GALNS: variants seen among roughly 807,000 people sequenced by gnomAD.
GALNS encodes the protein N-acetylgalactosamine-6-sulfatase.
A neutral mutation model predicts 65.9 loss-of-function variants in GALNS; 65 were observed. The observed-to-expected ratio is 0.99, with a 90% CI of 0.81 to 1.21. The LOEUF (loss-of-function observed/expected upper bound fraction) is 1.21. Ranked by LOEUF, GALNS falls within the 50% of genes most tolerant of loss-of-function variation. The pLI is 0.00. For missense variants in GALNS, 776 were observed against 700.7 expected (o/e 1.11, Z -1.21); for synonymous variants, 346 against 288.9 (o/e 1.20, Z -2.00).
At chr16:88,829,217 G>A (rs116762022) in intron 9 of GALNS, among the ~76,000 whole-genome samples, 3,981 of 147,576 alleles carry the variant, frequency 0.027, 163 homozygotes, top group South Asian at 0.056. Context: ...TGTTCACTGA[G>A]TGACCACCGG....
intron 1 of GALNS, among the ~76,000 whole-genome samples, chr16:88,854,296 A>T (rs545214472): frequency 1.6e-4 from 24 of 152,192 alleles, no homozygotes; most frequent in Admixed American, 3.9e-4. Context: ...AGAGGTGTGG[A>T]CAGGGCTGCG....
At chr16:88,815,939 G>A in intron 13 of GALNS, 1 of 985,448 alleles carries the variant, frequency 1.0e-6, no homozygotes, top group Non-Finnish European at 1.2e-6. Context: ...TCTCCTCTGT[G>A]CCAGAGACGC....
chr16:88,817,560 T>G, intron 13 of GALNS: 1 of 974,400 alleles, frequency 1.0e-6, no homozygotes, highest in Non-Finnish European at 1.2e-6. Flanking sequence ...CACCGGGCAG[T>G]GCCGTTCCTG....
chr16:88,855,863 C>A, intron 1 of GALNS: 1 of 504,506 alleles, frequency 2.0e-6, no homozygotes, highest in South Asian at 2.2e-5. Context: ...CACACAGGGG[C>A]TGAGCGACAC....
At chr16:88,838,377 C>G (rs7196283) in intron 4 of GALNS, among the ~76,000 whole-genome samples, 4,322 of 151,614 alleles carry the variant, frequency 0.029, 202 homozygotes, top group African/African-American at 0.1. Context: ...ATTAGAGTGA[C>G]GACAAGAGAA....
At chr16:88,854,348 G>C (rs1247756796) in intron 1 of GALNS, among the ~76,000 whole-genome samples, 1 of 152,218 alleles carries the variant, frequency 6.6e-6, no homozygotes, top group Non-Finnish European at 1.5e-5. Flanking sequence ...AGCCTGTGAG[G>C]ACCCCCTTGC....
At chr16:88,828,318 G>A (rs1227870718) in intron 9 of GALNS, among the ~76,000 whole-genome samples, 2 of 152,248 alleles carry the variant, frequency 1.3e-5, no homozygotes, top group Admixed American at 1.3e-4. Context: ...CAGGGTCCTC[G>A]TGGAGCGTTT....
chr16:88,831,095 G>A (rs1417821254), intron 9 of GALNS, among the ~76,000 whole-genome samples: 6 of 152,162 alleles, frequency 3.9e-5, no homozygotes, highest in Non-Finnish European at 5.9e-5. Flanking sequence ...CAGCACCCAC[G>A]TGACACACGG....
At chr16:88,851,697 AGGAGATTATATCCCG>A in intron 1 of GALNS, among the ~76,000 whole-genome samples, 1 of 152,166 alleles carries the variant, frequency 6.6e-6, no homozygotes, top group East Asian at 1.9e-4. Flanking sequence ...ACGACACACC[AGGAGATTATATCCCG>A]GGCCTGGCTC....
rs909317714 is a variant in GALNS, at chr16:88,814,137, T to C, written c.*302A>G. The C allele has an allele frequency of 4.0e-6, 2 of 495,388 alleles. No individual in the cohort carries two copies. Among genetic ancestry groups the C allele is most frequent in the Non-Finnish European group, 7.4e-6 (2 of 269,920 alleles). The allele number at this position is 495,388 out of a possible 1,614,324, so 30.7% of individuals were successfully genotyped here. On this transcript the variant is annotated 3_prime_UTR_variant, in exon 14 of 14. Coordinates refer to ENST00000268695, the MANE Select transcript of GALNS (RefSeq NM_000512.5). The stretch of plus-strand genomic sequence containing the variant: ...CATCCTTAACCTTGGCAAAATAAAC[T>C]GAGACTGGTCTCAGATATTTGGGGT...
intron 9 of GALNS, 25 bp downstream of exon 9, chr16:88,831,973 G>T (rs780122466): frequency 1.5e-5 from 24 of 1,602,196 alleles, no homozygotes; most frequent in Non-Finnish European, 2.0e-5. Context: ...CCTGCTGCCC[G>T]GCAGACCGGT....
chr16:88,828,673 G>T (rs1289357199), intron 9 of GALNS, among the ~76,000 whole-genome samples: 2 of 152,270 alleles, frequency 1.3e-5, no homozygotes, highest in Non-Finnish European at 2.9e-5. Flanking sequence ...GAGCGAGGCA[G>T]ATGGCAAGGT....
At chr16:88,823,935 G>A (rs1277316421) in intron 11 of GALNS, among the ~76,000 whole-genome samples, 11 of 152,164 alleles carry the variant, frequency 7.2e-5, no homozygotes, top group East Asian at 1.9e-4. Context: ...GAGCGGGTGC[G>A]GGGCCTGCAC....
chr16:88,840,668 G>A, intron 4 of GALNS: 1 of 418,770 alleles, frequency 2.4e-6, no homozygotes, highest in South Asian at 2.1e-5. Context: ...CCCCTCCAAG[G>A]ACGACGTGGC....
At chr16:88,856,157 C>G (rs761097825) in intron 1 of GALNS, 1 of 702,746 alleles carries the variant, frequency 1.4e-6, no homozygotes, top group Non-Finnish European at 2.6e-6. Context: ...CACTTGCCCA[C>G]CAGGAGACAT....
chr16:88,829,868 CGAGGCTCGAAACAGG>C (rs1911308311), intron 9 of GALNS, among the ~76,000 whole-genome samples: 1 of 152,170 alleles, frequency 6.6e-6, no homozygotes, highest in African/African-American at 2.4e-5. Flanking sequence ...CGCTCATCAG[CGAGGCTCGAAACAGG>C]GAGGCCAGCC....
intron 9 of GALNS, 34 bp from the exon 10 acceptor site, chr16:88,826,872 T>A: frequency 6.4e-7 from 1 of 1,555,482 alleles, no homozygotes. Context: ...GTCAGGGCAC[T>A]CTGCACCGAC....
Position 88,822,573 on chromosome 16 carries a change from C to A in GALNS, c.1364+16G>T. ...TGGCACTGCCTCAGCAGCCAGGAGG[C>A]CCTGCACCGACTCACCTGAGGGGGA... On this transcript the variant is annotated intron_variant, in intron 12 of 13. Transcript: ENST00000268695. The A allele has an allele frequency of 6.2e-7, 1 of 1,612,176 alleles. No individual in the cohort carries two copies. Among genetic ancestry groups the A allele is most frequent in the African/African-American group, 1.3e-5 (1 of 75,010 alleles).
At chr16:88,814,969 G>A (rs941391967) in intron 13 of GALNS, 44 of 904,666 alleles carry the variant, frequency 4.9e-5, no homozygotes, top group Non-Finnish European at 5.7e-5. Flanking sequence ...CTGACCTCAG[G>A]TGATCCACCT....
Sources: allele counts gnomAD v4.1 joint callset (sites outside exome capture counted in the v4.1 genomes callset), GRCh38; gene constraint gnomAD v4.1.1; transcripts MANE v1.5; gene names NCBI Gene and HGNC (gene_info 2026-07-23, HGNC 2026-07-21).